The following ZMAT4 variants were observed in gnomAD, a reference collection of about 807,000 sequenced individuals.
The protein encoded by ZMAT4 is zinc finger matrin-type 4.
A neutral mutation model predicts 28.7 loss-of-function variants in ZMAT4; 17 were observed. The observed-to-expected ratio is 0.59, with a 90% CI of 0.41 to 0.89. The LOEUF (loss-of-function observed/expected upper bound fraction) is 0.89, where lower values mean the gene tolerates loss of function less well. Ranked by LOEUF, ZMAT4 falls within the 40% of genes least tolerant of loss-of-function variation. The pLI, the probability that ZMAT4 is intolerant of heterozygous loss-of-function variation, is 0.00. For synonymous variants in ZMAT4, 117 were observed against 109.2 expected (o/e 1.07, Z -0.44); for missense variants, 240 against 283.8 (o/e 0.85, Z 1.11).
At chr8:40,860,362 A>G (rs146624942) in intron 1 of ZMAT4, among the ~76,000 whole-genome samples, 1 of 152,348 alleles carries the variant, frequency 6.6e-6, no homozygotes, top group Non-Finnish European at 1.5e-5. Flanking sequence ...CTCTGTCCGC[A>G]GGATTTACAG....
intron 1 of ZMAT4, among the ~76,000 whole-genome samples, chr8:40,867,269 T>C (rs1356992832): frequency 1.3e-5 from 2 of 152,070 alleles, no homozygotes; most frequent in Non-Finnish European, 2.9e-5. Flanking sequence ...AATATATATA[T>C]ATCATAATAT....
chr8:40,786,718 A>G (rs181215285), intron 2 of ZMAT4: 2 of 1,289,286 alleles, frequency 1.6e-6, no homozygotes, highest in East Asian at 5.6e-5. Context: ...CACCTTCTTC[A>G]GTGTGACATC....
chr8:40,860,958 A>G (rs948053894), intron 1 of ZMAT4, among the ~76,000 whole-genome samples: 8 of 152,152 alleles, frequency 5.3e-5, no homozygotes, highest in Admixed American at 3.9e-4. Flanking sequence ...CAGACCCAAA[A>G]AAGGAGCAGA....
At chr8:40,795,141 C>A (rs1242360186) in intron 2 of ZMAT4, among the ~76,000 whole-genome samples, 1 of 152,182 alleles carries the variant, frequency 6.6e-6, no homozygotes, top group Non-Finnish European at 1.5e-5. Context: ...TCTAATCACA[C>A]ATCTACTCTG....
intron 1 of ZMAT4, among the ~76,000 whole-genome samples, chr8:40,858,354 A>G (rs1236797716): frequency 6.6e-6 from 1 of 152,156 alleles, no homozygotes; most frequent in Non-Finnish European, 1.5e-5. Context: ...CTATTAGACC[A>G]CAAGCTCCCT....
At chr8:40,623,234 A>G (rs1359323237) in intron 5 of ZMAT4, among the ~76,000 whole-genome samples, 1 of 152,178 alleles carries the variant, frequency 6.6e-6, no homozygotes, top group Non-Finnish European at 1.5e-5. Flanking sequence ...GCTAGAGAAT[A>G]ACATGGTCAT....
chr8:40,533,090 A>C (rs1429538191), intron 6 of ZMAT4, among the ~76,000 whole-genome samples: 1 of 152,196 alleles, frequency 6.6e-6, no homozygotes, highest in Non-Finnish European at 1.5e-5. Flanking sequence ...TCTTTATGAC[A>C]ACAAGATACT....
chr8:40,609,593 G>C (rs1169458599), intron 5 of ZMAT4, among the ~76,000 whole-genome samples: 1 of 152,230 alleles, frequency 6.6e-6, no homozygotes. Flanking sequence ...TGGCCAAGCT[G>C]TCTTACCATC....
intron 1 of ZMAT4, among the ~76,000 whole-genome samples, chr8:40,836,669 T>C (rs890677863): frequency 6.6e-6 from 1 of 152,144 alleles, no homozygotes; most frequent in African/African-American, 2.4e-5. Flanking sequence ...AATGAAAATA[T>C]AGACATCTTG....
At chr8:40,808,588 A>G (rs1349369328) in intron 2 of ZMAT4, 2 of 455,076 alleles carry the variant, frequency 4.4e-6, no homozygotes, top group Non-Finnish European at 8.8e-6. Flanking sequence ...AAAAAAAAAA[A>G]GTGCTGAGCT....
chr8:40,544,555 G>T (rs1219595210), intron 6 of ZMAT4, among the ~76,000 whole-genome samples: 2 of 152,200 alleles, frequency 1.3e-5, no homozygotes, highest in African/African-American at 2.4e-5. Flanking sequence ...AGACCCCAAA[G>T]GTGGAGAAGG....
At chr8:40,848,160 C>T (rs1489202219) in intron 1 of ZMAT4, among the ~76,000 whole-genome samples, 1 of 152,132 alleles carries the variant, frequency 6.6e-6, no homozygotes, top group Non-Finnish European at 1.5e-5. Context: ...ACCCAACAGC[C>T]TAGAGAAACA....
chr8:40,658,687 C>G (rs556557458), intron 5 of ZMAT4, among the ~76,000 whole-genome samples: 1 of 151,610 alleles, frequency 6.6e-6, no homozygotes, highest in East Asian at 1.9e-4. Context: ...TGATTTTCCC[C>G]TTTCTTGAAT....
At chr8:40,816,160 C>T (rs572502778) in intron 2 of ZMAT4, among the ~76,000 whole-genome samples, 1 of 152,226 alleles carries the variant, frequency 6.6e-6, no homozygotes, top group African/African-American at 2.4e-5. Context: ...AGAAAACATG[C>T]GATTGAGTTC....
At chr8:40,716,801 G>T (rs1810876985) in intron 3 of ZMAT4, among the ~76,000 whole-genome samples, 1 of 152,206 alleles carries the variant, frequency 6.6e-6, no homozygotes. Context: ...GTTTCTAAAA[G>T]CAAGTCTCCT....
At chr8:40,827,962 G>T (rs1358239606) in intron 1 of ZMAT4, among the ~76,000 whole-genome samples, 1 of 152,222 alleles carries the variant, frequency 6.6e-6, no homozygotes, top group Non-Finnish European at 1.5e-5. Flanking sequence ...CCTCCCTTGA[G>T]TGTCTGAAGA....
intron 6 of ZMAT4, among the ~76,000 whole-genome samples, chr8:40,542,782 A>G (rs1288974341): frequency 6.6e-6 from 1 of 152,222 alleles, no homozygotes; most frequent in Non-Finnish European, 1.5e-5. Flanking sequence ...GAACTGTGGA[A>G]AAGAATGAAA....
intron 2 of ZMAT4, among the ~76,000 whole-genome samples, chr8:40,804,816 G>A (rs1815007141): frequency 6.6e-6 from 1 of 152,068 alleles, no homozygotes. Flanking sequence ...ACTCCAGCCT[G>A]GGTGACAGAG....
At chr8:40,681,462 A>C (rs1176740746) in intron 4 of ZMAT4, among the ~76,000 whole-genome samples, 1 of 152,222 alleles carries the variant, frequency 6.6e-6, no homozygotes, top group Admixed American at 6.5e-5. Context: ...TGCTACCAAC[A>C]GTAAAGTTAG....
Sources: allele counts gnomAD v4.1 joint callset (sites outside exome capture counted in the v4.1 genomes callset), GRCh38; gene constraint gnomAD v4.1.1; transcripts MANE v1.5; gene names NCBI Gene and HGNC (gene_info 2026-07-23, HGNC 2026-07-21).